TNC: variants seen among roughly 807,000 people sequenced by gnomAD.
TNC encodes the protein tenascin C, also known as tenascin.
TNC carries 109 observed loss-of-function variants against 202.4 expected under a neutral mutation model. The ratio of observed to expected loss-of-function variants is 0.54; its 90% CI spans 0.46 to 0.63. The LOEUF is 0.63. Ranked by LOEUF, TNC falls within the 30% of genes least tolerant of loss-of-function variation. TNC has a pLI of 0.00. For synonymous variants in TNC, 1,007 were observed against 1,089.7 expected (o/e 0.92, Z 1.50); for missense variants, 2,756 against 2,833.3 (o/e 0.97, Z 0.62).
intron 1 of TNC, among the ~76,000 whole-genome samples, chr9:115,092,840 C>T (rs1227821405): frequency 3.3e-5 from 5 of 151,678 alleles, no homozygotes; most frequent in Non-Finnish European, 7.4e-5. Context: ...CTTGCCTCAA[C>T]TTCCCAAAGT....
intron 10 of TNC, among the ~76,000 whole-genome samples, chr9:115,065,303 G>A (rs561854238): frequency 6.6e-6 from 1 of 152,286 alleles, no homozygotes; most frequent in East Asian, 1.9e-4. Context: ...GGCTGAGGCA[G>A]GAGAATCGCT....
chr9:115,096,426 A>T (rs1835797328), intron 1 of TNC, among the ~76,000 whole-genome samples: 1 of 152,224 alleles, frequency 6.6e-6, no homozygotes, highest in Non-Finnish European at 1.5e-5. Context: ...GACAGTGCAG[A>T]TGAAGAACAT....
At chr9:115,107,996 A>G (rs1049352133) in intron 1 of TNC, among the ~76,000 whole-genome samples, 1 of 152,210 alleles carries the variant, frequency 6.6e-6, no homozygotes, top group African/African-American at 2.4e-5. Flanking sequence ...AGCCTTGGGT[A>G]GATATTGGCG....
Position 115,063,071 on chromosome 9 carries a change from A to G in TNC, c.3879T>C (p.Ala1293=). 6.2e-7 allele frequency: 1 copy of G among 1,614,176 alleles called. No homozygotes were observed. The highest frequency in any genetic ancestry group is 8.5e-7 in the Non-Finnish European group (1 of 1,180,032). The change falls in exon 13 of 28, where the codon GCT becomes GCC. Residue 1293 remains alanine, a synonymous_variant. Coordinates refer to ENST00000350763, the MANE Select transcript of TNC (RefSeq NM_002160.4). The part of the protein sequence containing the change: ...YDQFTIQVQE[A]DQVEEAHNLT... ...GATTGTGAGCCTCTTCCACCTGGTCAGCCTCCTGGACCTGAATAGTAAACT... is the reference window on the plus strand; with the variant it reads ...GATTGTGAGCCTCTTCCACCTGGTCGGCCTCCTGGACCTGAATAGTAAACT...
At chr9:115,089,846 G>A (rs1835083046) in intron 2 of TNC, among the ~76,000 whole-genome samples, 1 of 152,092 alleles carries the variant, frequency 6.6e-6, no homozygotes, top group Non-Finnish European at 1.5e-5. Context: ...GTGCCAGTGG[G>A]TTAATCCCCT....
chr9:115,083,372 A>C (rs1834454190), intron 4 of TNC, among the ~76,000 whole-genome samples: 1 of 152,164 alleles, frequency 6.6e-6, no homozygotes, highest in South Asian at 2.1e-4. Context: ...CATAAACCAG[A>C]ATGTTTCCAC....
chr9:115,110,564 A>G (rs72760426), intron 1 of TNC, among the ~76,000 whole-genome samples: 8,720 of 152,212 alleles, frequency 0.057, 338 homozygotes, highest in Admixed American at 0.069. Context: ...AAGGCAGTAG[A>G]GACTACAACA....
At chr9:115,025,497 A>G (rs1435406109) in intron 26 of TNC, among the ~76,000 whole-genome samples, 1 of 152,138 alleles carries the variant, frequency 6.6e-6, no homozygotes, top group Non-Finnish European at 1.5e-5. Context: ...CACAAACATA[A>G]CAGAAAGCCA....
chr9:115,081,674 T>C, intron 6 of TNC, 98 bp downstream of exon 6: 1 of 1,302,876 alleles, frequency 7.7e-7, no homozygotes, highest in Non-Finnish European at 1.1e-6. Context: ...AAAAGTTAAA[T>C]GATGTAGATG....
chr9:115,043,183 A>G (rs930136819), intron 17 of TNC, among the ~76,000 whole-genome samples: 2 of 152,192 alleles, frequency 1.3e-5, no homozygotes, highest in African/African-American at 4.8e-5. Flanking sequence ...AACAATTTTC[A>G]GGCTCTAGGG....
chr9:115,095,502 GTA>G (rs765328159), intron 1 of TNC, among the ~76,000 whole-genome samples: 1,292 of 30,022 alleles, frequency 0.043, 113 homozygotes, highest in East Asian at 0.35. Flanking sequence ...GTATATATAT[GTA>G]TATATATATG....
intron 17 of TNC, among the ~76,000 whole-genome samples, chr9:115,046,046 G>A (rs1346919480): frequency 6.6e-6 from 1 of 151,272 alleles, no homozygotes; most frequent in African/African-American, 2.4e-5. Flanking sequence ...TGAGATAATA[G>A]ATAGAAGGAA....
intron 18 of TNC, among the ~76,000 whole-genome samples, chr9:115,041,528 T>C (rs1830757601): frequency 6.6e-6 from 1 of 152,234 alleles, no homozygotes; most frequent in Admixed American, 6.5e-5. Context: ...AAGTTGATTA[T>C]AGTCAAGTTT....
chr9:115,053,937 T>G (rs73553145), intron 15 of TNC, among the ~76,000 whole-genome samples: 1 of 152,198 alleles, frequency 6.6e-6, no homozygotes, highest in Non-Finnish European at 1.5e-5. Flanking sequence ...ATCTCTTTTC[T>G]GTTAAAGTCT....
intron 6 of TNC, among the ~76,000 whole-genome samples, chr9:115,079,879 CAGA>C (rs1834168958): frequency 6.6e-6 from 1 of 152,160 alleles, no homozygotes; most frequent in South Asian, 2.1e-4. Flanking sequence ...AGATGCCAGA[CAGA>C]AGGAGCCAAA....
Position 115,063,084 on chromosome 9 carries a change from T to C in TNC, c.3866A>G (p.Gln1289Arg), listed in dbSNP as rs1411160765. 6.2e-7 allele frequency: 1 copy of C among 1,614,180 alleles called. No individual in the cohort carries two copies. Among genetic ancestry groups the C allele is most frequent in the Admixed American group, 1.7e-5 (1 of 60,020 alleles). The change falls in exon 13 of 28, where the codon CAG becomes CGG. Residue 1289 changes from glutamine to arginine, a missense_variant. Physicochemically the swap from Gln to Arg is conservative, Grantham distance 43. Transcript: ENST00000350763. ...TTCCACCTGGTCAGCCTCCTGGACC[T>C]GAATAGTAAACTGGTCATAGGTTCC... ...PDGTYDQFTI[Q>R]VQEADQVEEA...
At position 115,076,120 on chromosome 9, in the gene TNC, A is replaced by T. The variant is rs1833830091; in HGVS notation, c.2862T>A (p.Gly954=). 3 of 1,613,686 alleles carry T rather than the reference A, an allele frequency of 1.9e-6. No homozygotes were observed. The highest frequency in any genetic ancestry group is 2.5e-6 in the Non-Finnish European group (3 of 1,179,584). Residue 954 remains glycine, a splice_region_variant and synonymous_variant, in exon 9 of 28, where the codon GGT becomes GGA. Transcript: ENST00000350763. The stretch of plus-strand genomic sequence containing the variant: ...TCCCATATTCAGTTCCCGGCCTCAG[A>T]CCTAAGGAGAGAATGTGCAAGTTGA... ...QQATTKTTLT[G]LRPGTEYGIG...
chr9:115,081,290 A>T (rs1834283535), intron 6 of TNC, among the ~76,000 whole-genome samples: 2 of 152,216 alleles, frequency 1.3e-5, no homozygotes, highest in South Asian at 2.1e-4. Context: ...GGGCTTAATT[A>T]TCTTCAGGTA....
intron 18 of TNC, among the ~76,000 whole-genome samples, chr9:115,041,309 CGG>C (rs958971198): frequency 7.6e-6 from 1 of 132,304 alleles, no homozygotes; most frequent in Non-Finnish European, 1.6e-5. Context: ...CCAGGAGGGG[CGG>C]GGGAAAACAT....
Sources: gnomAD v4.1 joint callset for allele counts (sites outside exome capture counted in the v4.1 genomes callset) on GRCh38, gnomAD v4.1.1 for gene constraint, MANE v1.5 for transcripts, NCBI Gene and HGNC (gene_info 2026-07-23, HGNC 2026-07-21) for gene names.